The following POFUT2 variants were observed in gnomAD, a reference collection of about 807,000 sequenced individuals.
POFUT2 encodes GDP-fucose protein O-fucosyltransferase 2.
A neutral mutation model predicts 55.0 loss-of-function variants in POFUT2; 30 were observed. The ratio of observed to expected loss-of-function variants is 0.55; its 90% CI spans 0.41 to 0.74. POFUT2 has a LOEUF of 0.74. Among genes scored for constraint, POFUT2 ranks in the 30% least tolerant of loss-of-function variants. The pLI is 0.00. For synonymous variants in POFUT2, 267 were observed against 231.1 expected (o/e 1.16, Z -1.41); for missense variants, 524 against 562.6 (o/e 0.93, Z 0.69).
At chr21:45,266,863 A>T in intron 8 of POFUT2, 1 of 1,004,396 alleles carries the variant, frequency 1.0e-6, no homozygotes, top group Non-Finnish European at 1.2e-6. Context: ...CTCTACTTTC[A>T]TTTTCCATTT....
rs2031233136 is a variant in POFUT2, at chr21:45,285,129, A to G, written c.382+549T>C. ...GTCTTCAAGGCCTCTCAAGTGCAGC[A>G]GCAAAGCATCACTTACCTTTATCTC... On this transcript the variant is annotated intron_variant, in intron 2 of 8. Coordinates refer to ENST00000349485, the MANE Select transcript of POFUT2 (RefSeq NM_133635.6). This position sits in a 1 kb window ranked among gnomAD's most constrained non-coding sequence, Gnocchi z 4.9. 1 of 158,870 alleles carries G rather than the reference A, an allele frequency of 6.3e-6. No individual in the cohort carries two copies. The highest frequency in any genetic ancestry group is 6.2e-5 in the Admixed American group (1 of 16,074). The allele number at this position is 158,870 out of a possible 1,614,324, so 9.8% of individuals were successfully genotyped here. A position where few individuals can be genotyped will look rare whatever the true frequency, so the allele number is the denominator to read the frequency against.
At position 45,280,240 on chromosome 21, in the gene POFUT2, C is replaced by T. The variant is rs192785247; in HGVS notation, c.639-2071G>A. Among the ~76,000 whole-genome samples the T allele has an allele frequency of 2.1e-4, 32 of 152,344 alleles. No individual in the cohort carries two copies. The East Asian group carries it at 5.6e-3, about 27-fold the overall frequency. ...TCCTCCCATCTCTCCCTCCGATGCA[C>T]GGGACTGTCTTTGACCTTCATGCAC... On this transcript the variant is annotated intron_variant, in intron 4 of 8. Coordinates refer to ENST00000349485, the MANE Select transcript of POFUT2 (RefSeq NM_133635.6).
chr21:45,276,676 C>T (rs959914799), intron 6 of POFUT2, among the ~76,000 whole-genome samples: 15 of 152,158 alleles, frequency 9.9e-5, no homozygotes, highest in African/African-American at 7.2e-5. Flanking sequence ...GGAAAAAGGC[C>T]GAACGTGCCT....
In POFUT2 at chr21:45,281,368, T is replaced by C. The variant is rs1288278833; in HGVS notation, c.638+981A>G. Among the ~76,000 whole-genome samples the C allele has an allele frequency of 2.6e-5, 4 of 152,188 alleles. No individual in the cohort carries two copies. Among genetic ancestry groups the C allele is most frequent in the African/African-American group, 9.7e-5 (4 of 41,434 alleles). ...CCCAGTCCCAGGACAACATTAAAGC[T>C]GCATCTCAACAACCAAAACAATTCA... On this transcript the variant is annotated intron_variant, in intron 4 of 8. Coordinates refer to ENST00000349485, the MANE Select transcript of POFUT2 (RefSeq NM_133635.6). The surrounding 1 kb of genome is among the most constrained non-coding windows in gnomAD (Gnocchi z 5.0).
chr21:45,280,385 C>A (rs2030469256), intron 4 of POFUT2, among the ~76,000 whole-genome samples: 2 of 152,188 alleles, frequency 1.3e-5, no homozygotes, highest in Admixed American at 6.5e-5. Flanking sequence ...CACACTCTAT[C>A]CAGTGCGTGG....
intron 8 of POFUT2, chr21:45,266,144 T>G: frequency 7.3e-7 from 1 of 1,365,696 alleles, no homozygotes; most frequent in South Asian, 1.1e-5. Context: ...CTCCAGGGGT[T>G]TCTCCAGACC....
intron 4 of POFUT2, among the ~76,000 whole-genome samples, chr21:45,278,736 C>T (rs556791016): frequency 1.3e-5 from 2 of 152,328 alleles, no homozygotes; most frequent in East Asian, 1.9e-4. Context: ...ACTGAAGCAG[C>T]GGCTGTGAAA....
rs2030707006 is a variant in POFUT2, at chr21:45,282,006, T to A, written c.638+343A>T. On this transcript the variant is annotated intron_variant, in intron 4 of 8. Coordinates refer to ENST00000349485, the MANE Select transcript of POFUT2 (RefSeq NM_133635.6). This position sits in a 1 kb window ranked among gnomAD's most constrained non-coding sequence, Gnocchi z 4.6. Reference sequence around the variant, plus strand: ...TTGGGTGTGGGGAGGGGGGAGGTACTGGTAAAAGCTGCCCAAGTGCTACAA... The same window carrying A: ...TTGGGTGTGGGGAGGGGGGAGGTACAGGTAAAAGCTGCCCAAGTGCTACAA... Among the ~76,000 whole-genome samples the A allele has an allele frequency of 6.6e-6, 1 of 152,034 alleles. No individual in the cohort carries two copies. The highest frequency in any genetic ancestry group is 2.4e-5 in the African/African-American group (1 of 41,386).
Position 45,265,947 on chromosome 21 carries a change from C to T in POFUT2, c.1137-312G>A, listed in dbSNP as rs2093149689. On this transcript the variant is annotated intron_variant, in intron 8 of 8. Coordinates refer to ENST00000349485, the MANE Select transcript of POFUT2 (RefSeq NM_133635.6). This position sits in a 1 kb window ranked among gnomAD's most constrained non-coding sequence, Gnocchi z 4.6. Reference sequence around the variant, plus strand: ...GAGCCCTCCTCTCCGTCACCAAATCCCAGGCCAGGCACGCCAGTGCAGGTC... The same window carrying T: ...GAGCCCTCCTCTCCGTCACCAAATCTCAGGCCAGGCACGCCAGTGCAGGTC... 4.0e-6 allele frequency: 5 copies of T among 1,259,310 alleles called. No homozygotes were observed. The highest frequency in any genetic ancestry group is 3.1e-5 in the South Asian group (2 of 65,024). 78.0% of individuals were successfully genotyped at this position (1,259,310 alleles called of 1,614,324 possible).
Position 45,270,999 on chromosome 21 carries a change from C to T in POFUT2, c.832-980G>A, listed in dbSNP as rs1165288240. On this transcript the variant is annotated intron_variant, in intron 6 of 8. Transcript: ENST00000349485. The surrounding 1 kb of genome is among the most constrained non-coding windows in gnomAD (Gnocchi z 4.6). ...GACAAAACAAGGTTCTATAGTACCC[C>T]CAAAAGATCATAGTAGCTCCCCAGC... Among the ~76,000 whole-genome samples, 1 of 152,158 alleles carries T rather than the reference C, an allele frequency of 6.6e-6. No homozygotes were observed. Among genetic ancestry groups the T allele is most frequent in the African/African-American group, 2.4e-5 (1 of 41,418 alleles).
intron 6 of POFUT2, among the ~76,000 whole-genome samples, chr21:45,272,856 A>T (rs1384018562): frequency 6.6e-6 from 1 of 152,214 alleles, no homozygotes; most frequent in Non-Finnish European, 1.5e-5. Context: ...ACTGAACAAT[A>T]ACACTGACAT....
Position 45,277,218 on chromosome 21 carries a change from G to A in POFUT2, c.706-76C>T, listed in dbSNP as rs1420088059. 5.1e-6 allele frequency: 8 copies of A among 1,555,932 alleles called. No homozygotes were observed. The highest frequency in any genetic ancestry group is 1.7e-5 in the Admixed American group (1 of 57,498). ...CCCTCCCGGAGCGGGTTCTCCTGTC[G>A]CTGCCACCACCCACCCCCGCAGCTG... On this transcript the variant is annotated intron_variant, in intron 5 of 8. Coordinates refer to ENST00000349485, the MANE Select transcript of POFUT2 (RefSeq NM_133635.6). This position sits in a 1 kb window ranked among gnomAD's most constrained non-coding sequence, Gnocchi z 6.9.
intron 4 of POFUT2, among the ~76,000 whole-genome samples, chr21:45,280,678 TC>T (rs1407832533): frequency 6.8e-6 from 1 of 147,858 alleles, no homozygotes; most frequent in Non-Finnish European, 1.5e-5. Flanking sequence ...AGGCTGCCCG[TC>T]CCTCACTCGC....
intron 6 of POFUT2, among the ~76,000 whole-genome samples, chr21:45,274,855 CTCT>C (rs1348683774): frequency 6.6e-6 from 1 of 152,150 alleles, no homozygotes; most frequent in African/African-American, 2.4e-5. Context: ...ATCAGAAAAA[CTCT>C]TCTAGACACT....
chr21:45,269,286 G>A (rs1187677769), intron 7 of POFUT2, among the ~76,000 whole-genome samples: 1 of 152,262 alleles, frequency 6.6e-6, no homozygotes, highest in Non-Finnish European at 1.5e-5. Context: ...TCTGGGAGGG[G>A]TACCCAACAG....
chr21:45,286,487 T>C (rs1569238536), intron 1 of POFUT2, among the ~76,000 whole-genome samples: 1 of 152,248 alleles, frequency 6.6e-6, no homozygotes, highest in Non-Finnish European at 1.5e-5. Context: ...CATACCCGTT[T>C]CTGCATTCAA....
chr21:45,284,805 A>G lies in POFUT2; in HGVS notation c.382+873T>C, dbSNP rs555832463. On this transcript the variant is annotated intron_variant, in intron 2 of 8. Coordinates refer to ENST00000349485, the MANE Select transcript of POFUT2 (RefSeq NM_133635.6). The surrounding 1 kb of genome is among the most constrained non-coding windows in gnomAD (Gnocchi z 5.8). ...AATTTTAAAGTCAACTCAGGAAAGG[A>G]CGCACTCCAGGAATGCTTTTTACAA... Among the ~76,000 whole-genome samples the G allele has an allele frequency of 1.3e-5, 2 of 152,334 alleles. No individual in the cohort carries two copies. The highest frequency in any genetic ancestry group is 1.3e-4 in the Admixed American group (2 of 15,304).
Position 45,266,563 on chromosome 21 carries a change from G to C in POFUT2, c.1137-928C>G. The stretch of plus-strand genomic sequence containing the variant: ...CAGTCAAAATCCCAAGGCCACACCT[G>C]AGAAGCAGGGGTGAGTTCGTAACTG... On this transcript the variant is annotated intron_variant, in intron 8 of 8. Coordinates refer to ENST00000349485, the MANE Select transcript of POFUT2 (RefSeq NM_133635.6). The C allele has an allele frequency of 3.7e-6, 4 of 1,071,290 alleles. No homozygotes were observed. The South Asian group carries it at 1.0e-4, about 28-fold the overall frequency. The allele number at this position is 1,071,290 out of a possible 1,614,324, so 66.4% of individuals were successfully genotyped here.
intron 7 of POFUT2, among the ~76,000 whole-genome samples, chr21:45,268,265 G>A (rs1602154340): frequency 1.3e-5 from 2 of 152,380 alleles, no homozygotes; most frequent in Non-Finnish European, 2.9e-5. Context: ...GATTGCAGAC[G>A]GAGTCTCGTT....
Sources: allele counts gnomAD v4.1 joint callset (sites outside exome capture counted in the v4.1 genomes callset), GRCh38; gene constraint gnomAD v4.1.1; non-coding constraint Gnocchi (gnomAD v3.1); transcripts MANE v1.5; gene names NCBI Gene and HGNC (gene_info 2026-07-23, HGNC 2026-07-21).